Variants in TBX6 observed in about 807,000 individuals in gnomAD.
TBX6 encodes T-box transcription factor 6.
Under a neutral mutation model 42.3 loss-of-function variants are expected in TBX6, and 29 were observed. That is an observed-to-expected ratio of 0.69 (90% CI 0.51 to 0.93). The LOEUF (loss-of-function observed/expected upper bound fraction) is 0.93. Among genes scored for constraint, TBX6 ranks in the 40% least tolerant of loss-of-function variants. The probability of loss-of-function intolerance (pLI) is 0.00; values close to 1 mark genes in which losing one functional copy is unlikely to be tolerated. For synonymous variants in TBX6, 249 were observed against 245.1 expected (o/e 1.02, Z -0.15); for missense variants, 569 against 603.3 (o/e 0.94, Z 0.59).
chr16:30,091,242 C>A lies in TBX6; in HGVS notation c.-48-1G>T. 2 of 1,394,566 alleles carry A rather than the reference C, an allele frequency of 1.4e-6. No individual in the cohort carries two copies. The highest frequency in any genetic ancestry group is 1.4e-5 in the South Asian group (1 of 71,940). The allele number at this position is 1,394,566 out of a possible 1,614,324, so 86.4% of individuals were successfully genotyped here. On this transcript the variant is annotated splice_acceptor_variant, in intron 1 of 8. Transcript: ENST00000395224. LOFTEE classifies it low-confidence loss of function (5UTR_SPLICE). ...GTCTCGCTGCTTAGGGCCCCCGGTG[C>A]TGCGAGATGCCCCCTTTATAGCTCA...
intron 3 of TBX6, among the ~76,000 whole-genome samples, chr16:30,090,363 T>A (rs142523689): frequency 1.3e-5 from 2 of 152,070 alleles, no homozygotes; most frequent in Admixed American, 6.6e-5. Context: ...CCTATTCGAG[T>A]TGCATACTGA....
rs2072627994 is a variant in TBX6, at chr16:30,086,341, G to C, written c.1195C>G (p.Pro399Ala). ...AAGGGTACCGCCGGTGGAGCCGCTG[G>C]GTACCCGGAGCCCCCTGACCCGTGC... ...LPHGSGGSGY[P>A]AAPPAVPFAP... Residue 399 changes from proline (P) to alanine (A), a missense_variant, in exon 9 of 9, where the codon CCA becomes GCA. Coordinates refer to ENST00000395224, the MANE Select transcript of TBX6 (RefSeq NM_004608.4). This position sits in a 1 kb window ranked among gnomAD's most constrained non-coding sequence, Gnocchi z 4.6. 6.2e-7 allele frequency: 1 copy of C among 1,602,822 alleles called. No individual in the cohort carries two copies. Among genetic ancestry groups the C allele is most frequent in the African/African-American group, 1.3e-5 (1 of 74,138 alleles).
rs3833842 is a variant in TBX6, at chr16:30,086,868, GTGATGA to G, written c.840-23_840-18del. On this transcript the variant is annotated intron_variant, in intron 6 of 8. Transcript: ENST00000395224. The surrounding 1 kb of genome is among the most constrained non-coding windows in gnomAD (Gnocchi z 4.6). ...TCTCGCTCCCTGGGGAACAGTGGTG[GTGATGA>G]TGATGATGATGGTGATGGCCATGGT... The G allele has an allele frequency of 9.9e-5, 158 of 1,599,794 alleles. No homozygotes were observed. The highest frequency in any genetic ancestry group is 5.0e-4 in the Middle Eastern group (3 of 6,034).
intron 3 of TBX6, 132 bp downstream of exon 3, chr16:30,090,626 G>A: frequency 4.4e-6 from 4 of 904,300 alleles, no homozygotes; most frequent in Non-Finnish European, 6.6e-6. Context: ...CTTGCCCCAG[G>A]CCATAGTCAG....
At chr16:30,090,275 C>A (rs8060511) in intron 3 of TBX6, among the ~76,000 whole-genome samples, 76,588 of 151,960 alleles carry the variant, frequency 0.5, 19,896 homozygotes, top group African/African-American at 0.62. Flanking sequence ...CCTGCCCCAG[C>A]TAAAGACCTC....
chr16:30,090,577 TGTCACAGAGTGACTCCTG>T (rs1411460915), intron 3 of TBX6, among the ~76,000 whole-genome samples, 163 bp downstream of exon 3: 3 of 152,118 alleles, frequency 2.0e-5, no homozygotes, highest in Non-Finnish European at 4.4e-5. Context: ...CCTTAACCCT[TGTCACAGAGTGACTCCTG>T]ATTCCTGCCA....
chr16:30,088,677 A>C lies in TBX6; in HGVS notation c.768+16T>G, dbSNP rs1278270699. 6.2e-7 allele frequency: 1 copy of C among 1,613,932 alleles called. No individual in the cohort carries two copies. Among genetic ancestry groups the C allele is most frequent in the African/African-American group, 1.3e-5 (1 of 74,886 alleles). On this transcript the variant is annotated intron_variant, in intron 5 of 8. Transcript: ENST00000395224. This position sits in a 1 kb window ranked among gnomAD's most constrained non-coding sequence, Gnocchi z 4.1. ...CTGGGCAGGGGGCCACCACCCCCTC[A>C]AGCAGGGTCACTCACCTGTGGGTTC... is the stretch of plus-strand genomic sequence containing the variant.
Position 30,086,906 on chromosome 16 carries a change from A to G in TBX6, c.840-55T>C, listed in dbSNP as rs1470235105. 2 of 1,578,682 alleles carry G rather than the reference A, an allele frequency of 1.3e-6. No homozygotes were observed. The highest frequency in any genetic ancestry group is 8.6e-7 in the Non-Finnish European group (1 of 1,164,068). ...TGATGGTGATGGCCATGGTGATGGT[A>G]ACAGTACTTACCCGGTGCCAGGCAT... On this transcript the variant is annotated intron_variant, in intron 6 of 8. Transcript: ENST00000395224. The surrounding 1 kb of genome is among the most constrained non-coding windows in gnomAD (Gnocchi z 4.6).
chr16:30,088,991 A>C lies in TBX6; in HGVS notation c.573T>G (p.Ser191=). 1.2e-6 allele frequency: 2 copies of C among 1,613,502 alleles called. No homozygotes were observed. Among genetic ancestry groups the C allele is most frequent in the East Asian group, 2.2e-5 (1 of 44,854 alleles). The change falls in exon 4 of 9, where the codon TCT becomes TCG. Residue 191 remains serine (S), a synonymous_variant. Coordinates refer to ENST00000395224, the MANE Select transcript of TBX6 (RefSeq NM_004608.4). The surrounding 1 kb of genome is among the most constrained non-coding windows in gnomAD (Gnocchi z 4.1). ...TGTTGGTGAGCTTGACACGATGGAA[A>C]GACACAGGCTGCCGCATCCAATGTG... The part of the protein sequence containing the change: ...TGAHWMRQPV[S]FHRVKLTNST...
Position 30,088,336 on chromosome 16 carries a change from C to CG in TBX6, c.839+208dup. ...CACTAGAAATCAGCTGCATGAGGGC[C>CG]GGGGCTTTGGTTTGCTTTGTTTGTT... is the stretch of plus-strand genomic sequence containing the variant. On this transcript the variant is annotated intron_variant, in intron 6 of 8. Coordinates refer to ENST00000395224, the MANE Select transcript of TBX6 (RefSeq NM_004608.4). This position sits in a 1 kb window ranked among gnomAD's most constrained non-coding sequence, Gnocchi z 4.1. 1 of 662,042 alleles carries CG rather than the reference C, an allele frequency of 1.5e-6. No homozygotes were observed. The highest frequency in any genetic ancestry group is 2.8e-5 in the East Asian group (1 of 35,816). 41.0% of individuals were successfully genotyped at this position (662,042 alleles called of 1,614,324 possible).
rs1199593276 is a variant in TBX6, at chr16:30,091,148, G to A, written c.46C>T (p.Arg16Cys). ...GCCCCAGGTTGGGCGGGCCCCAGGCGGTAGCCGGCCCCCAGGGACGGGTAC... is the reference window on the plus strand; with the variant it reads ...GCCCCAGGTTGGGCGGGCCCCAGGCAGTAGCCGGCCCCCAGGGACGGGTAC... ...ELYPSLGAGY[R>C]LGPAQPGADS... The change falls in exon 2 of 9, where the codon CGC (arginine) becomes TGC (cysteine). Residue 16 changes from arginine (R) to cysteine (C), a missense_variant. Physicochemically the swap from Arg to Cys is radical, Grantham distance 180. Transcript: ENST00000395224. 1.9e-6 allele frequency: 3 copies of A among 1,594,756 alleles called. No individual in the cohort carries two copies. Among genetic ancestry groups the A allele is most frequent in the Admixed American group, 3.6e-5 (2 of 56,112 alleles).
Position 30,088,991 on chromosome 16 carries a change from A to G in TBX6, c.573T>C (p.Ser191=). ...TGAHWMRQPV[S]FHRVKLTNST... ...TGTTGGTGAGCTTGACACGATGGAA[A>G]GACACAGGCTGCCGCATCCAATGTG... Residue 191 remains serine (S), a synonymous_variant, in exon 4 of 9, where the codon TCT becomes TCC. Coordinates refer to ENST00000395224, the MANE Select transcript of TBX6 (RefSeq NM_004608.4). This position sits in a 1 kb window ranked among gnomAD's most constrained non-coding sequence, Gnocchi z 4.1. 2.5e-6 allele frequency: 4 copies of G among 1,613,502 alleles called. No homozygotes were observed. Among genetic ancestry groups the G allele is most frequent in the East Asian group, 2.2e-5 (1 of 44,854 alleles).
Position 30,090,942 on chromosome 16 carries a change from G to A in TBX6, c.169C>T (p.Pro57Ser), listed in dbSNP as rs1413306539. The A allele has an allele frequency of 4.3e-6, 7 of 1,613,278 alleles. No homozygotes were observed. In the East Asian group the frequency reaches 1.1e-4, roughly 26 times the overall value. Residue 57 changes from proline (P) to serine (S), a missense_variant, in exon 3 of 9, where the codon CCC (proline) becomes TCC (serine). Transcript: ENST00000395224. ...GGTGGGTGCGCGGCCAGGGTGCGGG[G>A]AGCAGCCTCCATCCCGGAGAGGAAG... ...DCFLSGMEAA[P>S]RTLAAHPPLP...
In TBX6 at chr16:30,089,047, A is replaced by G. The variant is rs2072682903; in HGVS notation, c.517T>C (p.Tyr173His). The stretch of plus-strand genomic sequence containing the variant: ...GTGGCAGGAGAGTCGGGGTGAATGT[A>G]GACACGGTCAGGCAGGCGGGGCTCT... The part of the protein sequence containing the change: ...KAEPRLPDRV[Y>H]IHPDSPATGA... The change falls in exon 4 of 9, where the codon TAC (tyrosine) becomes CAC (histidine). Residue 173 changes from tyrosine (Y) to histidine (H), a missense_variant. Around this residue, in one of 3 missense-constraint regions of TBX6, gnomAD observed 190 missense variants for 250.6 expected, o/e 0.76. Coordinates refer to ENST00000395224, the MANE Select transcript of TBX6 (RefSeq NM_004608.4). 1.2e-6 allele frequency: 2 copies of G among 1,613,822 alleles called. No individual in the cohort carries two copies. The highest frequency in any genetic ancestry group is 1.3e-5 in the African/African-American group (1 of 74,928).
Position 30,086,398 on chromosome 16 carries a change from C to A in TBX6, c.1138G>T (p.Ala380Ser). The change falls in exon 9 of 9, where the codon GCC becomes TCC. Residue 380 changes from alanine (A) to serine (S), a missense_variant. By Grantham distance (99) the Ala-to-Ser change is moderately conservative. Transcript: ENST00000395224. This position sits in a 1 kb window ranked among gnomAD's most constrained non-coding sequence, Gnocchi z 4.6. ...FPEAPDSGRS[A>S]PYSAAFLELP... ...TCCAGAAATGCAGCCGAGTAGGGGG[C>A]TGAGCGCCCGGAGTCTGGAGCCTCC... 6.4e-7 allele frequency: 1 copy of A among 1,555,968 alleles called. No individual in the cohort carries two copies. The highest frequency in any genetic ancestry group is 1.2e-5 in the South Asian group (1 of 83,834).
Position 30,088,877 on chromosome 16 carries a change from G to T in TBX6, c.622-38C>A, listed in dbSNP as rs749056287. The T allele has an allele frequency of 6.2e-7, 1 of 1,608,170 alleles. No homozygotes were observed. Among genetic ancestry groups the T allele is most frequent in the East Asian group, 2.2e-5 (1 of 44,736 alleles). On this transcript the variant is annotated intron_variant, in intron 4 of 8. Transcript: ENST00000395224. This position sits in a 1 kb window ranked among gnomAD's most constrained non-coding sequence, Gnocchi z 4.1. ...AAATGGGAGTGATTCCCTGCCCTGCGCCTCACCCTTGGCCTCCCTTCCAGC... is the reference window on the plus strand; with the variant it reads ...AAATGGGAGTGATTCCCTGCCCTGCTCCTCACCCTTGGCCTCCCTTCCAGC...
intron 1 of TBX6, 52 bp from the exon 2 acceptor site, chr16:30,091,293 A>G (rs2072720843): frequency 9.8e-7 from 1 of 1,017,406 alleles, no homozygotes; most frequent in East Asian, 2.6e-5. Flanking sequence ...CAGATCCAGG[A>G]TCACAGCCCC....
intron 1 of TBX6, 58 bp downstream of exon 1, chr16:30,091,815 C>G (rs990864605): frequency 6.6e-6 from 1 of 152,498 alleles, no homozygotes; most frequent in Non-Finnish European, 1.5e-5. Context: ...CCTCCCTGGT[C>G]CCCATGCTAA....
Position 30,091,061 on chromosome 16 carries a change from G to C in TBX6, c.118+15C>G. ...CCCCCTATTCTCCTACCCAGGAGCT[G>C]GTCCCAACGCTCACCGGGGTAGCGG... On this transcript the variant is annotated intron_variant, in intron 2 of 8. Coordinates refer to ENST00000395224, the MANE Select transcript of TBX6 (RefSeq NM_004608.4). The C allele has an allele frequency of 1.3e-6, 2 of 1,587,316 alleles. No individual in the cohort carries two copies. Among genetic ancestry groups the C allele is most frequent in the Non-Finnish European group, 1.7e-6 (2 of 1,167,048 alleles).
Sources: gnomAD v4.1 joint callset for allele counts (sites outside exome capture counted in the v4.1 genomes callset) on GRCh38, gnomAD v4.1.1 for gene constraint, gnomAD v4.1.1 regional missense constraint, Gnocchi (gnomAD v3.1) non-coding constraint, MANE v1.5 for transcripts, NCBI Gene and HGNC (gene_info 2026-07-23, HGNC 2026-07-21) for gene names.